STK32B: variants seen among roughly 807,000 people sequenced by gnomAD.
STK32B encodes the protein serine/threonine kinase 32B.
A neutral mutation model predicts 52.6 loss-of-function variants in STK32B; 43 were observed. That is an observed-to-expected ratio of 0.82 (90% CI 0.64 to 1.05). The LOEUF (loss-of-function observed/expected upper bound fraction) is 1.05. STK32B is among the 50% of genes least tolerant of loss of function. The probability of loss-of-function intolerance (pLI) is 0.00; values close to 1 mark genes in which losing one functional copy is unlikely to be tolerated. For missense variants in STK32B, 621 were observed against 534.6 expected, an observed-to-expected ratio of 1.16 and a Z score of -1.59; for synonymous variants, 238 against 204.3, an observed-to-expected ratio of 1.17 and a Z score of -1.41.
intron 1 of STK32B, among the ~76,000 whole-genome samples, chr4:5,093,531 G>A (rs1054558083): frequency 6.6e-6 from 1 of 151,944 alleles, no homozygotes. Context: ...GTGGACACAG[G>A]AAGGGGAACA....
intron 3 of STK32B, among the ~76,000 whole-genome samples, chr4:5,254,354 G>C (rs547507359): frequency 6.6e-6 from 1 of 151,634 alleles, no homozygotes; most frequent in South Asian, 2.1e-4. Flanking sequence ...TGGGTTTATT[G>C]ATCTTCTATA....
chr4:5,454,063 T>G (rs543695541), intron 7 of STK32B, among the ~76,000 whole-genome samples: 1 of 152,022 alleles, frequency 6.6e-6, no homozygotes, highest in African/African-American at 2.4e-5. Context: ...CAGCACTCAT[T>G]CCACCCCCGA....
At chr4:5,315,915 A>C (rs1025288208) in intron 3 of STK32B, among the ~76,000 whole-genome samples, 2 of 150,416 alleles carry the variant, frequency 1.3e-5, no homozygotes, top group Admixed American at 6.7e-5. Context: ...GTGTTGGCCA[A>C]GCTGATCTCG....
In STK32B at chr4:5,470,531, G is replaced by T. The variant is rs968243823; in HGVS notation, c.1106+2461G>T. 6.6e-6 allele frequency among the ~76,000 whole-genome samples: 1 copy of T among 152,076 alleles called. No individual in the cohort carries two copies. Among genetic ancestry groups the T allele is most frequent in the African/African-American group, 2.4e-5 (1 of 41,410 alleles). On this transcript the variant is annotated intron_variant, in intron 11 of 11. Coordinates refer to ENST00000282908, the MANE Select transcript of STK32B (RefSeq NM_018401.3). This position sits in a 1 kb window ranked among gnomAD's most constrained non-coding sequence, Gnocchi z 4.6. Reference sequence around the variant, plus strand: ...CCTCTGCGGCCCTGATGGCTGATAGGCTTCCTGTCACAGCAGGCGTGCAGG... The same window carrying T: ...CCTCTGCGGCCCTGATGGCTGATAGTCTTCCTGTCACAGCAGGCGTGCAGG...
the STK32B span, among the ~76,000 whole-genome samples, chr4:5,028,616 T>C: frequency 6.6e-6 from 1 of 152,210 alleles, no homozygotes; most frequent in Non-Finnish European, 1.5e-5. Flanking sequence ...GCAGAGATTA[T>C]GAAAAGCAAT....
At position 5,386,796 on chromosome 4, in the gene STK32B, G is replaced by T. The variant is rs1172041882; in HGVS notation, c.435-11411G>T. 6.6e-6 allele frequency among the ~76,000 whole-genome samples: 1 copy of T among 152,184 alleles called. No individual in the cohort carries two copies. The highest frequency in any genetic ancestry group is 1.5e-5 in the Non-Finnish European group (1 of 68,028). ...GGGTGGTGGCTGGACCCTCCATTGGGTCCAACTCTCGGATTCCAATAGAAG... is the reference window on the plus strand; with the variant it reads ...GGGTGGTGGCTGGACCCTCCATTGGTTCCAACTCTCGGATTCCAATAGAAG... On this transcript the variant is annotated intron_variant, in intron 4 of 11. Transcript: ENST00000282908. The surrounding 1 kb of genome is among the most constrained non-coding windows in gnomAD (Gnocchi z 4.5).
intron 8 of STK32B, among the ~76,000 whole-genome samples, chr4:5,457,277 G>T (rs1481803409): frequency 6.9e-6 from 1 of 145,228 alleles, no homozygotes; most frequent in Non-Finnish European, 1.5e-5. Flanking sequence ...GTGCAGTGGC[G>T]CAGTCTCGAC....
At chr4:5,466,554 A>G (rs1717449056) in intron 9 of STK32B, 149 bp from the exon 10 acceptor site, 1 of 1,114,292 alleles carries the variant, frequency 9.0e-7, no homozygotes, top group Admixed American at 3.1e-5. Flanking sequence ...TTTTATCATC[A>G]GAAAACAGAA....
rs138381120 is a variant in STK32B at position 5,387,469 on chromosome 4, G to A, written c.435-10738G>A. ...ACAGGGAAAACTCAGACTGCAACCT[G>A]GTGCACCCAGGGCTTGAAGGAGGGC... On this transcript the variant is annotated intron_variant, in intron 4 of 11. Transcript: ENST00000282908. Among the ~76,000 whole-genome samples, 1,156 of 152,298 alleles carry A rather than the reference G, an allele frequency of 7.6e-3. 12 individuals are homozygous for A. The highest frequency in any genetic ancestry group is 0.026 in the African/African-American group (1,061 of 41,558).
intron 1 of STK32B, among the ~76,000 whole-genome samples, chr4:5,074,879 T>G (rs1560138159): frequency 6.6e-6 from 1 of 152,188 alleles, no homozygotes; most frequent in African/African-American, 2.4e-5. Context: ...GTTTTGCTTT[T>G]CATTCTAGAG....
chr4:5,490,940 A>G (rs906165956), intron 11 of STK32B, among the ~76,000 whole-genome samples: 10 of 152,318 alleles, frequency 6.6e-5, no homozygotes, highest in Admixed American at 4.6e-4. Context: ...TCCATGGTGT[A>G]TATGTGACAC....
At chr4:5,206,347 C>T (rs1722577596) in intron 3 of STK32B, among the ~76,000 whole-genome samples, 1 of 152,162 alleles carries the variant, frequency 6.6e-6, no homozygotes, top group Non-Finnish European at 1.5e-5. Context: ...GCAGGAATAT[C>T]CCACTAAATA....
intron 4 of STK32B, among the ~76,000 whole-genome samples, chr4:5,357,110 CAT>C (rs1315271061): frequency 3.4e-5 from 5 of 146,196 alleles, no homozygotes; most frequent in African/African-American, 5.2e-5. Flanking sequence ...CACACACACA[CAT>C]ATATATACAC....
intron 4 of STK32B, among the ~76,000 whole-genome samples, chr4:5,368,309 T>TGAGAGCACTCAGGTACAGAGAGGCACTGC (rs1735007651): frequency 3.1e-5 from 4 of 128,404 alleles, no homozygotes; most frequent in African/African-American, 1.1e-4. Context: ...TAATTATAAA[T>TGAGAGCACTCAGGTACAGAGAGGCACTGC]AATAAGGGCT....
At chr4:5,227,200 A>G (rs1723932773) in intron 3 of STK32B, among the ~76,000 whole-genome samples, 1 of 152,234 alleles carries the variant, frequency 6.6e-6, no homozygotes, top group Non-Finnish European at 1.5e-5. Context: ...ACCAAAACTC[A>G]ACAAGCAGTA....
intron 3 of STK32B, among the ~76,000 whole-genome samples, chr4:5,272,281 G>C (rs1727495118): frequency 6.8e-6 from 1 of 147,858 alleles, no homozygotes; most frequent in African/African-American, 2.6e-5. Flanking sequence ...TTTTGTCTTT[G>C]GCTCTGTTTA....
At chr4:5,495,552 G>A (rs1011850894) in intron 11 of STK32B, among the ~76,000 whole-genome samples, 11 of 152,044 alleles carry the variant, frequency 7.2e-5, no homozygotes, top group Non-Finnish European at 1.2e-4. Flanking sequence ...TAGCTTGATC[G>A]TCTGAAGCCT....
intron 2 of STK32B, among the ~76,000 whole-genome samples, chr4:5,167,890 G>A (rs1259285361): frequency 6.6e-6 from 1 of 152,234 alleles, no homozygotes; most frequent in Non-Finnish European, 1.5e-5. Flanking sequence ...AGTGGGAAAG[G>A]TGAGGAGATT....
chr4:5,435,942 C>G (rs1331590793), intron 6 of STK32B: 1 of 152,320 alleles, frequency 6.6e-6, no homozygotes, highest in Non-Finnish European at 1.5e-5. Context: ...TGGTAGGTTC[C>G]TGGAGGACGA....
Sources: gnomAD v4.1 joint callset for allele counts (sites outside exome capture counted in the v4.1 genomes callset) on GRCh38, gnomAD v4.1.1 for gene constraint, Gnocchi (gnomAD v3.1) non-coding constraint, MANE v1.5 for transcripts, NCBI Gene and HGNC (gene_info 2026-07-23, HGNC 2026-07-21) for gene names.